The following ZNF521 variants were observed in gnomAD, a reference collection of about 807,000 sequenced individuals.
The protein encoded by ZNF521 is LYST-interacting protein 3.
A neutral mutation model predicts 105.5 loss-of-function variants in ZNF521; 14 were observed. That is an observed-to-expected ratio of 0.13 (90% CI 0.09 to 0.21). ZNF521 has a LOEUF of 0.21. ZNF521 is among the 10% of genes least tolerant of loss of function. The pLI, the probability that ZNF521 is intolerant of heterozygous loss-of-function variation, is 1.00. For synonymous variants in ZNF521, 635 were observed against 606.0 expected (o/e 1.05, Z -0.70); for missense variants, 1,233 against 1,629.7 (o/e 0.76, Z 4.19).
chr18:25,330,929 G>T (rs568725637), intron 2 of ZNF521, among the ~76,000 whole-genome samples: 1 of 152,144 alleles, frequency 6.6e-6, no homozygotes, highest in South Asian at 2.1e-4. Flanking sequence ...AATCACCTAC[G>T]CTAATAAAGA....
At chr18:25,332,910 G>T (rs1053393097) in intron 2 of ZNF521, among the ~76,000 whole-genome samples, 1 of 152,106 alleles carries the variant, frequency 6.6e-6, no homozygotes, top group African/African-American at 2.4e-5. Flanking sequence ...AAGTGAACGT[G>T]TACGCCATTA....
chr18:25,173,642 AG>A lies in ZNF521; in HGVS notation c.3658+21517del, dbSNP rs576777127. 4.7e-3 allele frequency among the ~76,000 whole-genome samples: 720 copies of A among 152,280 alleles called. 8 individuals are homozygous for A. The highest frequency in any genetic ancestry group is 0.016 in the African/African-American group (685 of 41,572). ...TAGATTATCCATGTTTACTAGCATG[AG>A]GGGGAATAATTGAAAATTGGCTGCA... On this transcript the variant is annotated intron_variant, in intron 5 of 7. Coordinates refer to ENST00000361524, the MANE Select transcript of ZNF521 (RefSeq NM_015461.3).
chr18:25,090,768 C>T (rs1360861563), intron 6 of ZNF521, among the ~76,000 whole-genome samples: 20 of 152,156 alleles, frequency 1.3e-4, no homozygotes. Flanking sequence ...CGTGAGGTGA[C>T]CTATGACCCA....
At chr18:25,255,763 C>T (rs993908033) in intron 3 of ZNF521, among the ~76,000 whole-genome samples, 2 of 151,828 alleles carry the variant, frequency 1.3e-5, no homozygotes, top group Admixed American at 1.3e-4. Flanking sequence ...GTTAAGCATA[C>T]GACCCAGCAA....
intron 3 of ZNF521, among the ~76,000 whole-genome samples, chr18:25,244,755 T>A (rs745936020): frequency 2.1e-4 from 32 of 152,254 alleles, no homozygotes; most frequent in Non-Finnish European, 3.4e-4. Context: ...ATGACTTTTT[T>A]AAGTGTCTCT....
Position 25,167,061 on chromosome 18 carries a change from T to G in ZNF521, c.3658+28099A>C, listed in dbSNP as rs1310638990. Reference sequence around the variant, plus strand: ...TTAGCCAAGCACACATTCCTAAGGCTTAAGAAAGTGAGGTTTAATTGTTCT... The same window carrying G: ...TTAGCCAAGCACACATTCCTAAGGCGTAAGAAAGTGAGGTTTAATTGTTCT... On this transcript the variant is annotated intron_variant, in intron 5 of 7. Transcript: ENST00000361524. Among the ~76,000 whole-genome samples, 3 of 152,228 alleles carry G rather than the reference T, an allele frequency of 2.0e-5. No individual in the cohort carries two copies. In the East Asian group the frequency reaches 5.8e-4, roughly 29 times the overall value.
At chr18:25,174,283 A>G (rs1441270284) in intron 5 of ZNF521, among the ~76,000 whole-genome samples, 1 of 152,202 alleles carries the variant, frequency 6.6e-6, no homozygotes, top group African/African-American at 2.4e-5. Flanking sequence ...TGAAACCACC[A>G]CAGAGACAAC....
chr18:25,169,575 C>T (rs568792973), intron 5 of ZNF521, among the ~76,000 whole-genome samples: 1 of 152,188 alleles, frequency 6.6e-6, no homozygotes, highest in African/African-American at 2.4e-5. Context: ...TAATTAAATA[C>T]CATCCCTTTA....
intron 3 of ZNF521, among the ~76,000 whole-genome samples, chr18:25,259,868 C>T (rs767854186): frequency 7.2e-5 from 11 of 152,004 alleles, no homozygotes; most frequent in Non-Finnish European, 1.6e-4. Flanking sequence ...GAAGAGGAGG[C>T]AAAGAGGTGA....
chr18:25,220,870 T>G (rs1051242568), intron 4 of ZNF521, among the ~76,000 whole-genome samples: 1 of 152,160 alleles, frequency 6.6e-6, no homozygotes, highest in Non-Finnish European at 1.5e-5. Flanking sequence ...AGCCCCTGAG[T>G]AGACAGTGCC....
chr18:25,106,293 A>G (rs888409377), intron 5 of ZNF521, among the ~76,000 whole-genome samples: 3 of 152,144 alleles, frequency 2.0e-5, no homozygotes, highest in African/African-American at 4.8e-5. Context: ...ATATACTGCT[A>G]AATATCACTT....
At chr18:25,191,324 CCTGA>C (rs1568002171) in intron 5 of ZNF521, among the ~76,000 whole-genome samples, 2 of 152,284 alleles carry the variant, frequency 1.3e-5, no homozygotes, top group Admixed American at 1.3e-4. Context: ...ACAGCTATAT[CCTGA>C]CTACTTGTCC....
chr18:25,277,360 A>G (rs954981262), intron 3 of ZNF521, among the ~76,000 whole-genome samples: 2 of 152,152 alleles, frequency 1.3e-5, no homozygotes, highest in Non-Finnish European at 2.9e-5. Flanking sequence ...TCCTATTGCC[A>G]CAAACCAGCT....
At position 25,339,411 on chromosome 18, in the gene ZNF521, C is replaced by T. The variant is rs558596905; in HGVS notation, c.40+11496G>A. 3.8e-3 allele frequency among the ~76,000 whole-genome samples: 579 copies of T among 152,330 alleles called. 2 individuals are homozygous for T. The highest frequency in any genetic ancestry group is 0.017 in the Middle Eastern group (5 of 294). On this transcript the variant is annotated intron_variant, in intron 2 of 7. Transcript: ENST00000361524. The stretch of plus-strand genomic sequence containing the variant: ...AAAGCGCTTCCTCCAGAATCCTTCC[C>T]TGACCTCACTGATATCGCTGTTAAA...
In ZNF521 at chr18:25,183,498, G is replaced by A. The variant is rs147039120; in HGVS notation, c.3658+11662C>T. Among the ~76,000 whole-genome samples the A allele has an allele frequency of 4.0e-3, 613 of 152,190 alleles. 2 individuals carry two copies. Among genetic ancestry groups the A allele is most frequent in the Non-Finnish European group, 4.0e-3 (271 of 67,996 alleles). On this transcript the variant is annotated intron_variant, in intron 5 of 7. Coordinates refer to ENST00000361524, the MANE Select transcript of ZNF521 (RefSeq NM_015461.3). ...AATCTGTTGAACTCATTTGTACCAC[G>A]TTACCCTACACTTCATTTAGAAAAT...
chr18:25,090,843 A>G (rs2033729623), intron 6 of ZNF521, among the ~76,000 whole-genome samples: 1 of 152,210 alleles, frequency 6.6e-6, no homozygotes. Flanking sequence ...GTTGTATGTT[A>G]GGATATATAC....
chr18:25,247,953 T>C (rs1161992051), intron 3 of ZNF521, among the ~76,000 whole-genome samples: 2 of 151,812 alleles, frequency 1.3e-5, no homozygotes, highest in Non-Finnish European at 2.9e-5. Flanking sequence ...GAAATGCCTG[T>C]AATGTCTCTT....
intron 7 of ZNF521, among the ~76,000 whole-genome samples, chr18:25,066,517 T>C (rs538372645): frequency 7.2e-5 from 11 of 152,308 alleles, no homozygotes; most frequent in Non-Finnish European, 1.5e-4. Context: ...TAGTCTCTGG[T>C]CTCGACTAAA....
intron 7 of ZNF521, among the ~76,000 whole-genome samples, chr18:25,073,841 T>G (rs565442439): frequency 6.6e-6 from 1 of 151,440 alleles, no homozygotes; most frequent in Admixed American, 6.6e-5. Context: ...TAAGAGTAAG[T>G]CAAACATGTT....
Sources: allele counts gnomAD v4.1 joint callset (sites outside exome capture counted in the v4.1 genomes callset), GRCh38; gene constraint gnomAD v4.1.1; transcripts MANE v1.5; gene names NCBI Gene and HGNC (gene_info 2026-07-23, HGNC 2026-07-21).